The following FRMD3 variants were observed in gnomAD, a reference collection of about 807,000 sequenced individuals.
The protein encoded by FRMD3 is FERM domain-containing protein 3.
A neutral mutation model predicts 70.2 loss-of-function variants in FRMD3; 33 were observed. The observed-to-expected ratio is 0.47, with a 90% CI of 0.36 to 0.63. The LOEUF (loss-of-function observed/expected upper bound fraction) is 0.63, where lower values mean the gene tolerates loss of function less well. FRMD3 is among the 20% of genes least tolerant of loss of function. The pLI is 0.00. For synonymous variants in FRMD3, 279 were observed against 255.9 expected, an observed-to-expected ratio of 1.09 and a Z score of -0.86; for missense variants, 632 against 711.4, an observed-to-expected ratio of 0.89 and a Z score of 1.27.
At chr9:83,286,995 A>C (rs1021006105) in intron 13 of FRMD3, among the ~76,000 whole-genome samples, 13 of 152,106 alleles carry the variant, frequency 8.5e-5, no homozygotes, top group Non-Finnish European at 1.8e-4. Context: ...TAAGAGCAGG[A>C]CCCGGACGGT....
chr9:83,273,994 A>T (rs911185166), intron 13 of FRMD3, among the ~76,000 whole-genome samples: 10 of 151,920 alleles, frequency 6.6e-5, no homozygotes, highest in Non-Finnish European at 8.8e-5. Flanking sequence ...ATTTTTTTAC[A>T]TTTTTTTATA....
the FRMD3 span, among the ~76,000 whole-genome samples, chr9:83,557,904 C>T: frequency 6.6e-6 from 1 of 152,186 alleles, no homozygotes; most frequent in African/African-American, 2.4e-5. Flanking sequence ...CATAGAGAAG[C>T]TCTCATATGT....
At chr9:83,315,773 C>A (rs1835544351) in intron 6 of FRMD3, among the ~76,000 whole-genome samples, 1 of 152,190 alleles carries the variant, frequency 6.6e-6, no homozygotes. Context: ...AGTAACTTGA[C>A]TGGGGGCCGA....
intron 6 of FRMD3, among the ~76,000 whole-genome samples, chr9:83,316,161 C>CTTTTTTTTTTTTTTTTT (rs34851421): frequency 1.6e-4 from 18 of 112,598 alleles, no homozygotes; most frequent in Admixed American, 2.0e-4. Flanking sequence ...TTTTTTTTTT[C>CTTTTTTTTTTTTTTTTT]TTTTTTTTTT....
intron 1 of FRMD3, among the ~76,000 whole-genome samples, chr9:83,430,960 G>A (rs567648319): frequency 2.0e-5 from 3 of 152,300 alleles, no homozygotes; most frequent in African/African-American, 7.2e-5. Context: ...GACCCCTGTA[G>A]GAATTTGATG....
At chr9:83,564,230 A>G in the FRMD3 span, among the ~76,000 whole-genome samples, 1 of 152,090 alleles carries the variant, frequency 6.6e-6, no homozygotes, top group East Asian at 1.9e-4. Context: ...ATTTAAAATA[A>G]TAATAATAAT....
intron 3 of FRMD3, among the ~76,000 whole-genome samples, chr9:83,357,104 A>C: frequency 7.7e-6 from 1 of 130,628 alleles, no homozygotes; most frequent in African/African-American, 3.6e-5. Context: ...ATATATATCT[A>C]TCCATCATGG....
chr9:83,463,064 C>T (rs1157889838), intron 1 of FRMD3, among the ~76,000 whole-genome samples: 1 of 152,092 alleles, frequency 6.6e-6, no homozygotes, highest in African/African-American at 2.4e-5. Context: ...AAAATTGCAC[C>T]ATGATGTTCT....
chr9:83,320,019 C>T (rs1316909768), intron 6 of FRMD3, among the ~76,000 whole-genome samples: 1 of 152,180 alleles, frequency 6.6e-6, no homozygotes, highest in African/African-American at 2.4e-5. Context: ...TATTCCAAAA[C>T]TTTACTGAAT....
At chr9:83,520,904 C>T (rs1829556310) in intron 1 of FRMD3, among the ~76,000 whole-genome samples, 1 of 148,462 alleles carries the variant, frequency 6.7e-6, no homozygotes, top group Admixed American at 6.8e-5. Flanking sequence ...GTGGGTGGAC[C>T]ACCTGAGATC....
intron 10 of FRMD3, among the ~76,000 whole-genome samples, chr9:83,305,048 G>A (rs953681156): frequency 1.3e-5 from 2 of 152,170 alleles, no homozygotes; most frequent in Admixed American, 6.5e-5. Context: ...CAGAGGCCCC[G>A]GGCCTCCCCG....
chr9:83,541,265 C>T (rs1041222735), upstream of FRMD3, among the ~76,000 whole-genome samples: 5 of 152,212 alleles, frequency 3.3e-5, no homozygotes, highest in Non-Finnish European at 5.9e-5. Flanking sequence ...TGCTAATTTA[C>T]ATTGAAGAGT....
chr9:83,432,100 A>G (rs933348132), intron 1 of FRMD3, among the ~76,000 whole-genome samples: 1 of 152,176 alleles, frequency 6.6e-6, no homozygotes, highest in African/African-American at 2.4e-5. Flanking sequence ...TAGTGGCTGG[A>G]AAGGACACTG....
At chr9:83,552,798 TG>T in the FRMD3 span, among the ~76,000 whole-genome samples, 1 of 152,208 alleles carries the variant, frequency 6.6e-6, no homozygotes, top group African/African-American at 2.4e-5. Flanking sequence ...TTGCAACTTC[TG>T]CTTTTTTCTG....
intron 1 of FRMD3, among the ~76,000 whole-genome samples, chr9:83,536,072 A>G (rs934710532): frequency 2.0e-5 from 3 of 152,236 alleles, no homozygotes; most frequent in Non-Finnish European, 4.4e-5. Flanking sequence ...ATTTTAATTT[A>G]TTTTAATTGG....
intron 3 of FRMD3, among the ~76,000 whole-genome samples, chr9:83,363,761 A>G (rs374755590): frequency 8.3e-4 from 126 of 152,134 alleles, no homozygotes; most frequent in African/African-American, 2.6e-3. Flanking sequence ...TCACCATGTT[A>G]GCCAGGATGG....
At chr9:83,564,979 T>C in the FRMD3 span, among the ~76,000 whole-genome samples, 5 of 152,198 alleles carry the variant, frequency 3.3e-5, no homozygotes, top group Non-Finnish European at 5.9e-5. Flanking sequence ...ACATTCTATT[T>C]AATGCTTTTT....
chr9:83,345,935 C>T (rs1823942996), intron 4 of FRMD3, among the ~76,000 whole-genome samples: 2 of 151,940 alleles, frequency 1.3e-5, no homozygotes, highest in Non-Finnish European at 2.9e-5. Flanking sequence ...TGTGAATGTT[C>T]ATAATAACAC....
chr9:83,567,222 A>G, the FRMD3 span, among the ~76,000 whole-genome samples: 1 of 152,164 alleles, frequency 6.6e-6, no homozygotes, highest in South Asian at 2.1e-4. Context: ...CCACGGTCAG[A>G]GCTAAATGTT....
Sources: allele counts gnomAD v4.1 joint callset (sites outside exome capture counted in the v4.1 genomes callset), GRCh38; gene constraint gnomAD v4.1.1; transcripts MANE v1.5; gene names NCBI Gene and HGNC (gene_info 2026-07-23, HGNC 2026-07-21).